CORIN: variants seen among roughly 807,000 people sequenced by gnomAD.
The protein encoded by CORIN is atrial natriuretic peptide-converting enzyme.
Under a neutral mutation model 125.3 loss-of-function variants are expected in CORIN, and 117 were observed. That is an observed-to-expected ratio of 0.93 (90% confidence interval 0.80 to 1.09). CORIN has a LOEUF of 1.09. Ranked by LOEUF, CORIN falls within the 50% of genes least tolerant of loss-of-function variation. The pLI is 0.00. For missense variants in CORIN, 1,253 were observed against 1,306.7 expected (o/e 0.96, Z 0.63); for synonymous variants, 450 against 466.4 (o/e 0.96, Z 0.45).
At chr4:47,772,099 A>AGATAGAT (rs1424674630) in intron 3 of CORIN, among the ~76,000 whole-genome samples, 9 of 151,916 alleles carry the variant, frequency 5.9e-5, no homozygotes, top group Admixed American at 5.2e-4. Flanking sequence ...ATAGATAGAT[A>AGATAGAT]GATAGATAGA....
intron 11 of CORIN, among the ~76,000 whole-genome samples, chr4:47,664,549 C>T (rs1724385859): frequency 6.6e-6 from 1 of 152,070 alleles, no homozygotes; most frequent in Non-Finnish European, 1.5e-5. Flanking sequence ...TGAAATAGCG[C>T]ATCTTATTTC....
At chr4:47,677,367 A>C (rs1169782279) in intron 9 of CORIN, among the ~76,000 whole-genome samples, 1 of 152,198 alleles carries the variant, frequency 6.6e-6, no homozygotes, top group Non-Finnish European at 1.5e-5. Flanking sequence ...GTCTAGGCAT[A>C]TTCTTCCCTG....
At chr4:47,760,246 TA>T (rs1212554140) in intron 4 of CORIN, among the ~76,000 whole-genome samples, 1 of 152,224 alleles carries the variant, frequency 6.6e-6, no homozygotes, top group African/African-American at 2.4e-5. Flanking sequence ...TACATCTCCG[TA>T]GAGCTCTTGG....
chr4:47,595,957 T>G, intron 21 of CORIN, 54 bp from the exon 22 acceptor site: 1 of 1,432,300 alleles, frequency 7.0e-7, no homozygotes, highest in Non-Finnish European at 9.6e-7. Context: ...CAGTAATGTG[T>G]GTCCATGCTA....
chr4:47,800,105 C>T (rs1045227615), intron 2 of CORIN, among the ~76,000 whole-genome samples: 7 of 151,842 alleles, frequency 4.6e-5, no homozygotes, highest in Admixed American at 2.0e-4. Flanking sequence ...GGAGAGATTG[C>T]GTGGTAGCTA....
intron 9 of CORIN, among the ~76,000 whole-genome samples, chr4:47,677,211 GACCTAAAAGGGATGTA>G (rs1232522829): frequency 6.6e-6 from 1 of 152,152 alleles, no homozygotes; most frequent in East Asian, 1.9e-4. Context: ...CGCAAACTGA[GACCTAAAAGGGATGTA>G]AGTATCTTGC....
At chr4:47,833,521 CAAAA>C (rs75657429) in intron 1 of CORIN, among the ~76,000 whole-genome samples, 110 of 115,010 alleles carry the variant, frequency 9.6e-4, no homozygotes, top group Non-Finnish European at 1.4e-3. Context: ...AAAGCATAGG[CAAAA>C]AAAAAAAAAA....
At chr4:47,724,450 G>T (rs1292370719) in intron 5 of CORIN, among the ~76,000 whole-genome samples, 8 of 151,986 alleles carry the variant, frequency 5.3e-5, no homozygotes, top group Non-Finnish European at 8.8e-5. Context: ...AGGAGAATGA[G>T]ATTTGTACAG....
intron 2 of CORIN, among the ~76,000 whole-genome samples, chr4:47,791,088 C>T (rs577273005): frequency 9.9e-5 from 15 of 152,102 alleles, no homozygotes; most frequent in African/African-American, 3.4e-4. Flanking sequence ...ACATACTTTA[C>T]GTGGTAAAAG....
chr4:47,622,915 A>G (rs763600373), intron 19 of CORIN, among the ~76,000 whole-genome samples: 14 of 151,940 alleles, frequency 9.2e-5, no homozygotes, highest in Non-Finnish European at 2.1e-4. Flanking sequence ...GGCTCAAGTG[A>G]TCACTCTTCC....
intron 2 of CORIN, chr4:47,790,358 A>G (rs1170978953): frequency 1.7e-5 from 3 of 173,666 alleles, no homozygotes. Flanking sequence ...AGAGGTGAGG[A>G]GCCTGGCCTC....
intron 1 of CORIN, among the ~76,000 whole-genome samples, chr4:47,815,397 T>A (rs567069213): frequency 1.4e-3 from 211 of 152,298 alleles, no homozygotes; most frequent in Non-Finnish European, 2.6e-3. Flanking sequence ...AGGAGATATC[T>A]TCAGAGGCAA....
At chr4:47,685,467 A>T (rs964922857) in intron 6 of CORIN, among the ~76,000 whole-genome samples, 6 of 152,236 alleles carry the variant, frequency 3.9e-5, no homozygotes, top group Non-Finnish European at 7.3e-5. Context: ...ACAAATTTAT[A>T]GAAACAGAAA....
chr4:47,687,528 T>C (rs1303964568), intron 6 of CORIN, among the ~76,000 whole-genome samples: 1 of 152,214 alleles, frequency 6.6e-6, no homozygotes, highest in African/African-American at 2.4e-5. Context: ...TTAATATTGA[T>C]TTCAGTTTGG....
intron 7 of CORIN, chr4:47,680,471 G>A: frequency 2.2e-6 from 1 of 460,310 alleles, no homozygotes; most frequent in Non-Finnish European, 3.9e-6. Context: ...CTGTTTTTCA[G>A]ATAAGTAACT....
intron 11 of CORIN, among the ~76,000 whole-genome samples, chr4:47,662,432 G>T (rs1235055806): frequency 6.6e-6 from 1 of 151,884 alleles, no homozygotes; most frequent in Non-Finnish European, 1.5e-5. Flanking sequence ...TAAAATGTTT[G>T]GTTTTTGTTT....
intron 5 of CORIN, among the ~76,000 whole-genome samples, chr4:47,735,536 C>G (rs978419239): frequency 6.6e-6 from 1 of 152,068 alleles, no homozygotes; most frequent in Admixed American, 6.5e-5. Context: ...TTTCCAAGAT[C>G]ATCAATCTCT....
chr4:47,645,388 T>C (rs560742667), intron 13 of CORIN, among the ~76,000 whole-genome samples, 194 bp from the exon 14 acceptor site: 2 of 143,872 alleles, frequency 1.4e-5, no homozygotes, highest in East Asian at 4.2e-4. Context: ...GAGGCGGAGG[T>C]TGCAGTGAGC....
At chr4:47,674,196 A>G (rs976364598) in intron 10 of CORIN, among the ~76,000 whole-genome samples, 197 bp downstream of exon 10, 2 of 152,190 alleles carry the variant, frequency 1.3e-5, no homozygotes, top group East Asian at 3.8e-4. Flanking sequence ...GCAATGACAC[A>G]TTTGTTTCTG....
Sources: allele counts gnomAD v4.1 joint callset (sites outside exome capture counted in the v4.1 genomes callset), GRCh38; gene constraint gnomAD v4.1.1; transcripts MANE v1.5; gene names NCBI Gene and HGNC (gene_info 2026-07-23, HGNC 2026-07-21).